Variants in MYOM1 observed in about 807,000 individuals in gnomAD.
The protein encoded by MYOM1 is myomesin 1, also known as myomesin-1.
MYOM1 carries 164 observed loss-of-function variants against 205.3 expected under a neutral mutation model. The observed-to-expected ratio is 0.80, with a 90% CI of 0.70 to 0.91. The LOEUF (loss-of-function observed/expected upper bound fraction) is 0.91. MYOM1 is among the 40% of genes least tolerant of loss of function. MYOM1 has a pLI of 0.00. For synonymous variants in MYOM1, 772 were observed against 789.4 expected (o/e 0.98, Z 0.37); for missense variants, 2,011 against 2,127.3 (o/e 0.95, Z 1.08).
In MYOM1 at chr18:3,154,626, C is replaced by T. The variant is rs951489400; in HGVS notation, c.1643+321G>A. Among the ~76,000 whole-genome samples, 10 of 150,750 alleles carry T rather than the reference C, an allele frequency of 6.6e-5. No individual in the cohort carries two copies. In the East Asian group the frequency reaches 1.6e-3, roughly 24 times the overall value. ...TAAGTACCTACTCAATACACACACA[C>T]ACACACACACACACACACACACACA... On this transcript the variant is annotated intron_variant, in intron 11 of 37. Coordinates refer to ENST00000356443, the MANE Select transcript of MYOM1 (RefSeq NM_003803.4).
intron 11 of MYOM1, 91 bp from the exon 12 acceptor site, chr18:3,151,984 A>C: frequency 7.6e-7 from 1 of 1,319,730 alleles, no homozygotes; most frequent in Non-Finnish European, 1.0e-6. Flanking sequence ...GTTGTTTCAG[A>C]TCTTCTCCCT....
chr18:3,174,173 G>C lies in MYOM1; in HGVS notation c.1058C>G (p.Ser353Trp). 1 of 1,613,960 alleles carries C rather than the reference G, an allele frequency of 6.2e-7. No individual in the cohort carries two copies. The highest frequency in any genetic ancestry group is 8.5e-7 in the Non-Finnish European group (1 of 1,179,868). The stretch of plus-strand genomic sequence containing the variant: ...AAGCTCTCCTTTAACATTCATCGCC[G>C]AGGCCCGGTACTGAGCTGTATCTTC... Reference protein sequence around the residue: ...DFEDTAQYRASAMNVKGELSA... With the variant: ...DFEDTAQYRAWAMNVKGELSA... Residue 353 changes from serine to tryptophan, a missense_variant, in exon 7 of 38, where the codon TCG becomes TGG. By Grantham distance (177) the Ser-to-Trp change is radical. Transcript: ENST00000356443.
At chr18:3,086,859 C>T (rs1195537377) in intron 29 of MYOM1, among the ~76,000 whole-genome samples, 1 of 152,098 alleles carries the variant, frequency 6.6e-6, no homozygotes, top group Non-Finnish European at 1.5e-5. Flanking sequence ...ATCAAGAAAA[C>T]CGTCTCAAAG....
intron 3 of MYOM1, among the ~76,000 whole-genome samples, chr18:3,190,237 AC>A (rs779450092): frequency 3.3e-5 from 5 of 152,148 alleles, no homozygotes; most frequent in Middle Eastern, 3.4e-3. Context: ...TTTGTTGTTA[AC>A]CCCCTCAAAT....
upstream of MYOM1, among the ~76,000 whole-genome samples, chr18:3,224,124 G>T (rs2081342681): frequency 6.6e-6 from 1 of 151,606 alleles, no homozygotes; most frequent in African/African-American, 2.4e-5. Flanking sequence ...CACCTCCCAG[G>T]TTCAAGAGAT....
At chr18:3,162,047 A>C (rs1238777473) in intron 10 of MYOM1, among the ~76,000 whole-genome samples, 2 of 152,202 alleles carry the variant, frequency 1.3e-5, no homozygotes, top group African/African-American at 2.4e-5. Context: ...TTGAGTACTC[A>C]AAATGTTTAT....
Position 3,176,510 on chromosome 18 carries a change from G to A in MYOM1, c.930-376C>T, listed in dbSNP as rs542196890. 2.6e-5 allele frequency among the ~76,000 whole-genome samples: 4 copies of A among 152,314 alleles called. No homozygotes were observed. In the South Asian group the frequency reaches 8.3e-4, roughly 32 times the overall value. On this transcript the variant is annotated intron_variant, in intron 5 of 37. Coordinates refer to ENST00000356443, the MANE Select transcript of MYOM1 (RefSeq NM_003803.4). ...ATTAATGCTACTAGAAATCAGTAGT[G>A]TGTTGGGACGCAAGAAGGAGGCTTC... is the stretch of plus-strand genomic sequence containing the variant.
rs867695259 is a variant in MYOM1 at position 3,160,031 on chromosome 18, C to T, written c.1501+4247G>A. On this transcript the variant is annotated intron_variant, in intron 10 of 37. Coordinates refer to ENST00000356443, the MANE Select transcript of MYOM1 (RefSeq NM_003803.4). ...TCTCCTACTTCTTCTTCTCCTTCTCCTCTTCCTCCTCCTTCTCCTCCTCCT... is the reference window on the plus strand; with the variant it reads ...TCTCCTACTTCTTCTTCTCCTTCTCTTCTTCCTCCTCCTTCTCCTCCTCCT... Among the ~76,000 whole-genome samples, 23 of 148,982 alleles carry T rather than the reference C, an allele frequency of 1.5e-4. 2 individuals carry two copies. The South Asian group carries it at 2.8e-3, about 18-fold the overall frequency.
rs2079938393 is a variant in MYOM1, at chr18:3,135,219, A to G, written c.2209+328T>C. On this transcript the variant is annotated intron_variant, in intron 15 of 37. Transcript: ENST00000356443. The surrounding 1 kb of genome is among the most constrained non-coding windows in gnomAD (Gnocchi z 4.1). The stretch of plus-strand genomic sequence containing the variant: ...CCTGCCTCGGCCTCCCAAAGTGCTC[A>G]GATTACAGACATGAGCCACCGCGCC... 2.1e-5 allele frequency: 6 copies of G among 286,612 alleles called. No homozygotes were observed. The highest frequency in any genetic ancestry group is 4.8e-5 in the South Asian group (1 of 20,864). The allele number at this position is 286,612 out of a possible 1,614,324, so 17.8% of individuals were successfully genotyped here. A position where few individuals can be genotyped will look rare whatever the true frequency, so the allele number is the denominator to read the frequency against.
chr18:3,206,256 T>A (rs566375278), intron 2 of MYOM1, among the ~76,000 whole-genome samples: 1 of 152,364 alleles, frequency 6.6e-6, no homozygotes, highest in South Asian at 2.1e-4. Flanking sequence ...TCATTTTTTC[T>A]ATTCTAAAAA....
chr18:3,229,970 C>T, the MYOM1 span, among the ~76,000 whole-genome samples: 1 of 90,506 alleles, frequency 1.1e-5, no homozygotes, highest in African/African-American at 4.4e-5. Context: ...GAGTGAAACT[C>T]CATCTCAAAA....
At chr18:3,176,291 G>A (rs533897965) in intron 5 of MYOM1, among the ~76,000 whole-genome samples, 157 bp from the exon 6 acceptor site, 1 of 152,262 alleles carries the variant, frequency 6.6e-6, no homozygotes, top group Admixed American at 6.5e-5. Flanking sequence ...ATTGGCTTAC[G>A]TGAAGTGCAC....
At position 3,090,678 on chromosome 18, in the gene MYOM1, G is replaced by A. The variant is rs2143711089; in HGVS notation, c.3989C>T (p.Thr1330Ile). 6.2e-7 allele frequency: 1 copy of A among 1,613,972 alleles called. No homozygotes were observed. Among genetic ancestry groups the A allele is most frequent in the African/African-American group, 1.3e-5 (1 of 75,044 alleles). Reference protein sequence around the residue: ...LQDGKATNHSTVVLVGDVFKK... With the variant: ...LQDGKATNHSIVVLVGDVFKK... ...CTTACCATCTCCAACGAGAACAACA[G>A]TAGAATGGTTAGTTGCTTTTCCATC... is the stretch of plus-strand genomic sequence containing the variant. The change falls in exon 27 of 38, where the codon ACT becomes ATT. Residue 1330 changes from threonine (T) to isoleucine (I), a missense_variant. Coordinates refer to ENST00000356443, the MANE Select transcript of MYOM1 (RefSeq NM_003803.4).
chr18:3,126,936 C>T (rs1342806225), intron 18 of MYOM1, 39 bp from the exon 19 acceptor site: 11 of 1,534,338 alleles, frequency 7.2e-6, no homozygotes, highest in Non-Finnish European at 9.8e-6. Flanking sequence ...GGCAGAAATG[C>T]ATTTATGATT....
intron 33 of MYOM1, 47 bp from the exon 34 acceptor site, chr18:3,079,389 G>C: frequency 1.3e-6 from 2 of 1,541,180 alleles, no homozygotes; most frequent in South Asian, 2.5e-5. Context: ...TCCATCCAGG[G>C]CTGATCTTTA....
rs761592818 is a variant in MYOM1 at position 3,126,873 on chromosome 18, A to T, written c.2819T>A (p.Ile940Asn). 4 of 1,611,798 alleles carry T rather than the reference A, an allele frequency of 2.5e-6. No individual in the cohort carries two copies. Among genetic ancestry groups the T allele is most frequent in the Middle Eastern group, 1.7e-4 (1 of 6,060 alleles). ...GTCACGAAAACTTTCAAGACAGGTG[A>T]TATCACAGGGTGGAGATGGTGGTGC... ...DRAPPSPPCD[I>N]TCLESFRDSM... Residue 940 changes from isoleucine (I) to asparagine (N), a missense_variant, in exon 19 of 38, where the codon ATC (isoleucine) becomes AAC (asparagine). Physicochemically the swap from Ile to Asn is moderately radical, Grantham distance 149 (BLOSUM62 -3). Coordinates refer to ENST00000356443, the MANE Select transcript of MYOM1 (RefSeq NM_003803.4).
chr18:3,135,841 A>G lies in MYOM1; in HGVS notation c.2026-111T>C, dbSNP rs1333024643. On this transcript the variant is annotated intron_variant, in intron 14 of 37. Transcript: ENST00000356443. The surrounding 1 kb of genome is among the most constrained non-coding windows in gnomAD (Gnocchi z 4.1). ...GCAACAAACCACTCCCTGTAATGCA[A>G]GCTGGACTGGAGGAGAGATGAGGAG... The G allele has an allele frequency of 8.6e-7, 1 of 1,165,358 alleles. No homozygotes were observed. Among genetic ancestry groups the G allele is most frequent in the Admixed American group, 2.1e-5 (1 of 46,840 alleles). The allele number at this position is 1,165,358 out of a possible 1,614,324, so 72.2% of individuals were successfully genotyped here.
intron 25 of MYOM1, among the ~76,000 whole-genome samples, chr18:3,096,105 G>A (rs545668330): frequency 2.0e-4 from 30 of 152,216 alleles, no homozygotes; most frequent in African/African-American, 5.8e-4. Flanking sequence ...AATGCTGGCC[G>A]CCTTGAATGT....
intron 19 of MYOM1, among the ~76,000 whole-genome samples, chr18:3,124,306 T>TC (rs1555620170): frequency 6.8e-6 from 1 of 147,300 alleles, no homozygotes; most frequent in Non-Finnish European, 1.5e-5. Flanking sequence ...CTTTTTTCTT[T>TC]TTTTTTTTTT....
Sources: gnomAD v4.1 joint callset for allele counts (sites outside exome capture counted in the v4.1 genomes callset) on GRCh38, gnomAD v4.1.1 for gene constraint, Gnocchi (gnomAD v3.1) non-coding constraint, MANE v1.5 for transcripts, NCBI Gene and HGNC (gene_info 2026-07-23, HGNC 2026-07-21) for gene names.